RSPO3: variants seen among roughly 807,000 people sequenced by gnomAD.
The protein encoded by RSPO3 is R-spondin-3.
A neutral mutation model predicts 36.5 loss-of-function variants in RSPO3; 17 were observed. That is an observed-to-expected ratio of 0.47 (90% confidence interval 0.32 to 0.70). The LOEUF (loss-of-function observed/expected upper bound fraction) is 0.70. Ranked by LOEUF, RSPO3 falls within the 30% of genes least tolerant of loss-of-function variation. The pLI, the probability that RSPO3 is intolerant of heterozygous loss-of-function variation, is 0.04. For missense variants in RSPO3, 294 were observed against 322.5 expected (o/e 0.91, Z 0.68); for synonymous variants, 108 against 107.0 (o/e 1.01, Z -0.06).
chr6:127,171,909 C>A (rs942796082), intron 4 of RSPO3, among the ~76,000 whole-genome samples: 1 of 151,472 alleles, frequency 6.6e-6, no homozygotes, highest in East Asian at 1.9e-4. Flanking sequence ...TAATAAATGG[C>A]AGATGACACA....
rs73771613 is a variant in RSPO3, at chr6:127,179,975, T to A, written c.635-15848T>A. On this transcript the variant is annotated intron_variant, in intron 4 of 4. Coordinates refer to ENST00000356698, the MANE Select transcript of RSPO3 (RefSeq NM_032784.5). ...AATTCCAGATAATCTCTGCATCTCA[T>A]GGTCAGCTGATTAGCTAGATGCTAG... 5.4e-3 allele frequency among the ~76,000 whole-genome samples: 820 copies of A among 151,988 alleles called. 6 individuals are homozygous for A. Among genetic ancestry groups the A allele is most frequent in the African/African-American group, 0.018 (749 of 41,512 alleles).
intron 1 of RSPO3, among the ~76,000 whole-genome samples, chr6:127,121,123 G>C (rs1405762982): frequency 6.6e-6 from 1 of 152,240 alleles, no homozygotes; most frequent in Non-Finnish European, 1.5e-5. Context: ...GGACCCCCGG[G>C]CTGGGAGCCA....
chr6:127,175,376 T>C (rs1046656262), intron 4 of RSPO3, among the ~76,000 whole-genome samples: 1 of 151,742 alleles, frequency 6.6e-6, no homozygotes, highest in Non-Finnish European at 1.5e-5. Context: ...AAAGCTTTGC[T>C]AGTTTCAATT....
chr6:127,140,636 A>G (rs1774249977), intron 1 of RSPO3, among the ~76,000 whole-genome samples: 1 of 152,240 alleles, frequency 6.6e-6, no homozygotes, highest in Non-Finnish European at 1.5e-5. Context: ...AAGTAACTAT[A>G]TCAGACAAAA....
At chr6:127,132,558 C>T (rs896155976) in intron 1 of RSPO3, among the ~76,000 whole-genome samples, 1 of 152,016 alleles carries the variant, frequency 6.6e-6, no homozygotes, top group Admixed American at 6.6e-5. Flanking sequence ...AAATGCAATT[C>T]TTGGCTAGTT....
intron 1 of RSPO3, among the ~76,000 whole-genome samples, chr6:127,132,749 C>A (rs1774083341): frequency 6.6e-6 from 1 of 152,188 alleles, no homozygotes; most frequent in East Asian, 1.9e-4. Context: ...TGAAAGCAAA[C>A]CAGTGTTCCC....
chr6:127,141,060 T>C (rs891980369), intron 1 of RSPO3, among the ~76,000 whole-genome samples: 12 of 152,354 alleles, frequency 7.9e-5, no homozygotes, highest in Non-Finnish European at 1.5e-4. Context: ...ATTCCTTGTT[T>C]ACTTACTTAT....
rs1773777850 is a variant in RSPO3 at position 127,119,019 on chromosome 6, C to T, written c.-174C>T. The stretch of plus-strand genomic sequence containing the variant: ...AAGTACAATAGTTGGTTTCCCTGTC[C>T]ACCCGCCCCACTTCGCTTGCCATCA... On this transcript the variant is annotated 5_prime_UTR_variant, in exon 1 of 5. Transcript: ENST00000356698. 1 of 502,122 alleles carries T rather than the reference C, an allele frequency of 2.0e-6. No individual in the cohort carries two copies. The highest frequency in any genetic ancestry group is 3.6e-5 in the Admixed American group (1 of 27,448). The allele number at this position is 502,122 out of a possible 1,614,324, so 31.1% of individuals were successfully genotyped here.
intron 4 of RSPO3, among the ~76,000 whole-genome samples, chr6:127,180,634 C>T (rs1352263347): frequency 6.6e-6 from 1 of 151,486 alleles, no homozygotes; most frequent in East Asian, 1.9e-4. Flanking sequence ...GGCAGATGGC[C>T]TTGAGTGGGT....
At chr6:127,168,673 C>T (rs7763784) in intron 4 of RSPO3, among the ~76,000 whole-genome samples, 63,031 of 151,646 alleles carry the variant, frequency 0.42, 13,463 homozygotes, top group East Asian at 0.52. Context: ...AGTCCTTGCC[C>T]ATGCCTATGT....
chr6:127,174,842 A>T (rs1278121455), intron 4 of RSPO3, among the ~76,000 whole-genome samples: 1 of 151,742 alleles, frequency 6.6e-6, no homozygotes, highest in Non-Finnish European at 1.5e-5. Context: ...TACCCATGAA[A>T]GTTTTCTTAG....
Position 127,195,885 on chromosome 6 carries a change from C to T in RSPO3, c.697C>T (p.Pro233Ser), listed in dbSNP as rs1024233542. Residue 233 changes from proline (P) to serine (S), a missense_variant, in exon 5 of 5, where the codon CCT becomes TCT. This residue lies in a region of RSPO3 where 190 missense variants were observed against 185.2 expected (regional missense o/e 1.03). Coordinates refer to ENST00000356698, the MANE Select transcript of RSPO3 (RefSeq NM_032784.5). Reference sequence around the variant, plus strand: ...TAAAGGAGAAAGTAAAGAAGCAATACCTGACAGCAAAAGTCTGGAATCCAG... The same window carrying T: ...TAAAGGAGAAAGTAAAGAAGCAATATCTGACAGCAAAAGTCTGGAATCCAG... ...PNKGESKEAI[P>S]DSKSLESSKE... The T allele has an allele frequency of 6.2e-7, 1 of 1,611,238 alleles. No individual in the cohort carries two copies. The highest frequency in any genetic ancestry group is 1.3e-5 in the African/African-American group (1 of 74,816).
chr6:127,169,651 T>C (rs1346401531), intron 4 of RSPO3, among the ~76,000 whole-genome samples: 1 of 151,886 alleles, frequency 6.6e-6, no homozygotes, highest in Admixed American at 6.6e-5. Context: ...GAAGTGACAT[T>C]ATCACAAAGC....
chr6:127,148,956 T>C, intron 2 of RSPO3, 117 bp downstream of exon 2: 1 of 828,994 alleles, frequency 1.2e-6, no homozygotes, highest in Non-Finnish European at 1.8e-6. Context: ...GTTTATCTGA[T>C]AATTAGGCTA....
intron 4 of RSPO3, among the ~76,000 whole-genome samples, chr6:127,186,780 A>G (rs997254045): frequency 6.6e-6 from 1 of 152,184 alleles, no homozygotes; most frequent in African/African-American, 2.4e-5. Flanking sequence ...TTAAAAATTA[A>G]TGATAGTCAA....
intron 1 of RSPO3, among the ~76,000 whole-genome samples, 181 bp downstream of exon 1, chr6:127,119,470 C>T (rs541302573): frequency 2.6e-5 from 4 of 152,224 alleles, no homozygotes; most frequent in African/African-American, 9.6e-5. Flanking sequence ...TCTCGGCGCC[C>T]CTGCCTTCCG....
At chr6:127,168,024 C>G (rs1774857296) in intron 4 of RSPO3, among the ~76,000 whole-genome samples, 1 of 151,964 alleles carries the variant, frequency 6.6e-6, no homozygotes, top group South Asian at 2.1e-4. Flanking sequence ...TGGGTTGGTT[C>G]CAAGTCTTTG....
At chr6:127,191,217 G>C (rs1244536548) in intron 4 of RSPO3, among the ~76,000 whole-genome samples, 1 of 152,074 alleles carries the variant, frequency 6.6e-6, no homozygotes, top group Non-Finnish European at 1.5e-5. Context: ...TATTCATTAG[G>C]AAAAATGAAA....
chr6:127,135,416 TAAAAAA>T (rs35739572), intron 1 of RSPO3, among the ~76,000 whole-genome samples: 1 of 95,234 alleles, frequency 1.1e-5, no homozygotes, highest in African/African-American at 3.9e-5. Flanking sequence ...TGAGAATCCA[TAAAAAA>T]AAAAAAAAAA....
Sources: gnomAD v4.1 joint callset for allele counts (sites outside exome capture counted in the v4.1 genomes callset) on GRCh38, gnomAD v4.1.1 for gene constraint, gnomAD v4.1.1 regional missense constraint, MANE v1.5 for transcripts, NCBI Gene and HGNC (gene_info 2026-07-23, HGNC 2026-07-21) for gene names.